The following SLIT2 variants were observed in gnomAD, a reference collection of about 807,000 sequenced individuals.
The protein encoded by SLIT2 is slit homolog 2 protein.
Under a neutral mutation model 185.7 loss-of-function variants are expected in SLIT2, and 41 were observed. The observed-to-expected ratio is 0.22, with a 90% CI of 0.17 to 0.29. The LOEUF (loss-of-function observed/expected upper bound fraction) is 0.29, where lower values mean the gene tolerates loss of function less well. Ranked by LOEUF, SLIT2 falls within the 10% of genes least tolerant of loss-of-function variation. The probability of loss-of-function intolerance (pLI) is 1.00; values close to 1 mark genes in which losing one functional copy is unlikely to be tolerated. For synonymous variants in SLIT2, 693 were observed against 680.2 expected (o/e 1.02, Z -0.29); for missense variants, 1,571 against 1,909.0 (o/e 0.82, Z 3.30).
At chr4:20,539,663 A>G (rs984497194) in intron 19 of SLIT2, 79 bp downstream of exon 19, 3 of 919,248 alleles carry the variant, frequency 3.3e-6, no homozygotes, top group African/African-American at 3.4e-5. Context: ...ATTATTAAGC[A>G]TTTCATTAAA....
chr4:20,300,829 C>T (rs1299744157), intron 4 of SLIT2, among the ~76,000 whole-genome samples: 3 of 151,940 alleles, frequency 2.0e-5, no homozygotes, highest in Non-Finnish European at 2.9e-5. Flanking sequence ...AACTTTGTTT[C>T]TGCTAGAGCT....
chr4:20,534,539 A>C (rs1351132691), intron 18 of SLIT2, among the ~76,000 whole-genome samples: 1 of 152,230 alleles, frequency 6.6e-6, no homozygotes, highest in Non-Finnish European at 1.5e-5. Context: ...AAAGTATATA[A>C]TTATGTTTGA....
At chr4:20,470,601 A>G (rs1714889081) in intron 5 of SLIT2, among the ~76,000 whole-genome samples, 1 of 150,910 alleles carries the variant, frequency 6.6e-6, no homozygotes. Context: ...TTTGAGACAC[A>G]GTCTCGCTCT....
At chr4:20,286,690 T>G (rs1420917349) in intron 4 of SLIT2, among the ~76,000 whole-genome samples, 4 of 152,152 alleles carry the variant, frequency 2.6e-5, no homozygotes, top group Non-Finnish European at 5.9e-5. Context: ...CAGTCCCAGC[T>G]ACTCGGGAGG....
chr4:20,581,385 G>A (rs1726553053), intron 29 of SLIT2, among the ~76,000 whole-genome samples: 1 of 152,090 alleles, frequency 6.6e-6, no homozygotes, highest in Non-Finnish European at 1.5e-5. Flanking sequence ...GGGTACTAGA[G>A]GACTCACACA....
intron 26 of SLIT2, among the ~76,000 whole-genome samples, chr4:20,564,342 A>T (rs866912111): frequency 6.6e-6 from 1 of 151,076 alleles, no homozygotes; most frequent in South Asian, 2.1e-4. Flanking sequence ...GACTATAGAA[A>T]CAAGTGGATT....
At position 20,296,046 on chromosome 4, in the gene SLIT2, CAT is replaced by C. The variant is rs371502845; in HGVS notation, c.395+27166_395+27167del. Reference sequence around the variant, plus strand: ...AAGTATGTTCAGACAAGTTTTCTATCATGTGTTGTCTACCAGCCTTTTACATA... The same window carrying C: ...AAGTATGTTCAGACAAGTTTTCTATCGTGTTGTCTACCAGCCTTTTACATA... On this transcript the variant is annotated intron_variant, in intron 4 of 36. Coordinates refer to ENST00000504154, the MANE Select transcript of SLIT2 (RefSeq NM_004787.4). Among the ~76,000 whole-genome samples, 288 of 152,332 alleles carry C rather than the reference CAT, an allele frequency of 1.9e-3. 1 individual carries two copies. Among genetic ancestry groups the C allele is most frequent in the African/African-American group, 5.6e-3 (234 of 41,596 alleles).
At chr4:20,474,098 G>A (rs774622422) in intron 5 of SLIT2, among the ~76,000 whole-genome samples, 15 of 152,012 alleles carry the variant, frequency 9.9e-5, no homozygotes, top group Non-Finnish European at 7.4e-5. Context: ...TTAAATTCCA[G>A]AGGTCTTCAG....
At chr4:20,310,008 G>T (rs28620032) in intron 4 of SLIT2, among the ~76,000 whole-genome samples, 5 of 151,826 alleles carry the variant, frequency 3.3e-5, no homozygotes, top group Middle Eastern at 3.4e-3. Context: ...TGATCTGCCC[G>T]CCTCGGCCTC....
At chr4:20,503,218 T>G (rs752085567) in intron 9 of SLIT2, among the ~76,000 whole-genome samples, 1 of 152,214 alleles carries the variant, frequency 6.6e-6, no homozygotes, top group Non-Finnish European at 1.5e-5. Context: ...ATCAGCATTA[T>G]TTAAATTTTA....
chr4:20,404,603 G>T (rs1396124414), intron 4 of SLIT2, among the ~76,000 whole-genome samples: 1 of 151,990 alleles, frequency 6.6e-6, no homozygotes, highest in Non-Finnish European at 1.5e-5. Context: ...CAAGGTGTGT[G>T]CTCGAAAAAG....
chr4:20,303,915 G>A (rs1414576068), intron 4 of SLIT2, among the ~76,000 whole-genome samples: 1 of 152,212 alleles, frequency 6.6e-6, no homozygotes, highest in African/African-American at 2.4e-5. Context: ...AACCTTGGAA[G>A]GCTGGTCTAT....
intron 4 of SLIT2, among the ~76,000 whole-genome samples, chr4:20,410,093 T>C (rs1399322180): frequency 1.3e-5 from 2 of 152,188 alleles, no homozygotes; most frequent in Non-Finnish European, 1.5e-5. Flanking sequence ...TTGTCAAGTT[T>C]TGCTTTTGTT....
chr4:20,423,558 G>A (rs1728324211), intron 4 of SLIT2, among the ~76,000 whole-genome samples: 1 of 151,736 alleles, frequency 6.6e-6, no homozygotes, highest in Non-Finnish European at 1.5e-5. Context: ...GAGTGCTCCT[G>A]ATTACAAATG....
At chr4:20,398,814 G>A (rs925252468) in intron 4 of SLIT2, among the ~76,000 whole-genome samples, 5 of 151,676 alleles carry the variant, frequency 3.3e-5, no homozygotes, top group East Asian at 3.9e-4. Context: ...ATTATATTTT[G>A]TTAACATTTG....
chr4:20,594,129 A>T (rs548966055), intron 30 of SLIT2, among the ~76,000 whole-genome samples: 1 of 147,286 alleles, frequency 6.8e-6, no homozygotes, highest in East Asian at 2.0e-4. Flanking sequence ...ACATGTGCAT[A>T]TATATACATA....
intron 22 of SLIT2, 66 bp downstream of exon 22, chr4:20,546,165 A>G: frequency 1.2e-6 from 1 of 835,250 alleles, no homozygotes; most frequent in South Asian, 1.7e-5. Context: ...GGCAAGGGAC[A>G]GAAGATTTAG....
chr4:20,374,601 T>C (rs989774844), intron 4 of SLIT2, among the ~76,000 whole-genome samples: 1 of 152,004 alleles, frequency 6.6e-6, no homozygotes, highest in African/African-American at 2.4e-5. Flanking sequence ...TTTCTTCTTA[T>C]CCCTTCTCCC....
At chr4:20,618,696 T>A in intron 36 of SLIT2, 72 bp from the exon 37 acceptor site, 2 of 1,454,218 alleles carry the variant, frequency 1.4e-6, no homozygotes, top group Non-Finnish European at 1.8e-6. Context: ...AATTAAGTTG[T>A]GGATTCACAG....
Sources: gnomAD v4.1 joint callset for allele counts (sites outside exome capture counted in the v4.1 genomes callset) on GRCh38, gnomAD v4.1.1 for gene constraint, MANE v1.5 for transcripts, NCBI Gene and HGNC (gene_info 2026-07-23, HGNC 2026-07-21) for gene names.